The following SPRED1 variants were observed in gnomAD, a reference collection of about 807,000 sequenced individuals.
The protein encoded by SPRED1 is sprouty-related, EVH1 domain-containing protein 1.
In SPRED1, 18 loss-of-function variants were observed where a neutral mutation model predicts 52.3. The observed-to-expected ratio is 0.34, with a 90% CI of 0.24 to 0.51. The LOEUF (loss-of-function observed/expected upper bound fraction) is 0.51, where lower values mean the gene tolerates loss of function less well. SPRED1 is among the 20% of genes least tolerant of loss of function. The pLI is 0.97. For missense variants in SPRED1, 485 were observed against 551.0 expected, an observed-to-expected ratio of 0.88 and a Z score of 1.20; for synonymous variants, 155 against 179.7, an observed-to-expected ratio of 0.86 and a Z score of 1.10.
rs1888569773 is a variant in SPRED1, at chr15:38,354,598, T to TTC, written c.*2935_*2936insCT. 6.6e-6 allele frequency: 1 copy of TTC among 152,206 alleles called. No individual in the cohort carries two copies. Among genetic ancestry groups the TTC allele is most frequent in the Non-Finnish European group, 1.5e-5 (1 of 68,040 alleles). 9.4% of individuals were successfully genotyped at this position (152,206 alleles called of 1,614,324 possible). A position where few individuals can be genotyped will look rare whatever the true frequency, so the allele number is the denominator to read the frequency against. Reference sequence around the variant, plus strand: ...ATCACTACTACCATTAAAGGGCTATTTATGTGGTGACCACCTCTACCAGGG... The same window carrying TTC: ...ATCACTACTACCATTAAAGGGCTATTTCTATGTGGTGACCACCTCTACCAGGG... On this transcript the variant is annotated 3_prime_UTR_variant, in exon 7 of 7. Transcript: ENST00000299084.
rs139290916 is a variant in SPRED1, at chr15:38,287,556, T to A, written c.33-11817T>A. On this transcript the variant is annotated intron_variant, in intron 1 of 6. Coordinates refer to ENST00000299084, the MANE Select transcript of SPRED1 (RefSeq NM_152594.3). ...GAATCTTGTAGACTATCATTTTCTC[T>A]AATGCTCTTTCTTGTCTGGTGGCCT... Among the ~76,000 whole-genome samples the A allele has an allele frequency of 1.3e-4, 20 of 152,318 alleles. No homozygotes were observed. In the East Asian group the frequency reaches 3.7e-3, roughly 28 times the overall value.
chr15:38,308,890 G>A (rs1895305872), intron 2 of SPRED1, among the ~76,000 whole-genome samples: 1 of 152,162 alleles, frequency 6.6e-6, no homozygotes. Context: ...GTTTTGTTAA[G>A]AAACTGCAAA....
At chr15:38,304,864 G>A (rs1471259954) in intron 2 of SPRED1, among the ~76,000 whole-genome samples, 1 of 151,656 alleles carries the variant, frequency 6.6e-6, no homozygotes, top group East Asian at 1.9e-4. Context: ...ATTCCTTCTG[G>A]CTTCAGTATT....
intron 1 of SPRED1, among the ~76,000 whole-genome samples, chr15:38,261,766 C>G (rs1467495786): frequency 2.0e-5 from 3 of 152,042 alleles, no homozygotes; most frequent in African/African-American, 7.3e-5. Flanking sequence ...TTTAGTGATA[C>G]TATTGCATGT....
At chr15:38,323,059 A>AT (rs958599365) in intron 3 of SPRED1, among the ~76,000 whole-genome samples, 19 of 151,576 alleles carry the variant, frequency 1.3e-4, no homozygotes, top group South Asian at 1.0e-3. Flanking sequence ...CTAAGACTTG[A>AT]TTTTTTTTTC....
At chr15:38,254,276 A>G (rs1051052569) in intron 1 of SPRED1, among the ~76,000 whole-genome samples, 1 of 152,200 alleles carries the variant, frequency 6.6e-6, no homozygotes, top group African/African-American at 2.4e-5. Flanking sequence ...CCTTTTTGAA[A>G]TAACTTTTTA....
intron 1 of SPRED1, among the ~76,000 whole-genome samples, chr15:38,274,519 A>T (rs1339499231): frequency 6.6e-6 from 1 of 152,226 alleles, no homozygotes; most frequent in Non-Finnish European, 1.5e-5. Context: ...AGTAAGAAAA[A>T]ATATACAAAG....
At chr15:38,293,099 CTTTTTT>C (rs66511254) in intron 1 of SPRED1, among the ~76,000 whole-genome samples, 97 of 90,736 alleles carry the variant, frequency 1.1e-3, no homozygotes, top group African/African-American at 3.7e-3. Context: ...AAGATTACAA[CTTTTTT>C]TTTTTTTTTT....
At chr15:38,284,643 C>T (rs1340096603) in intron 1 of SPRED1, among the ~76,000 whole-genome samples, 1 of 152,022 alleles carries the variant, frequency 6.6e-6, no homozygotes, top group Non-Finnish European at 1.5e-5. Flanking sequence ...TAATTACAGT[C>T]TTAATTTTAG....
chr15:38,323,234 A>G (rs1595747268), intron 3 of SPRED1, among the ~76,000 whole-genome samples: 1 of 152,202 alleles, frequency 6.6e-6, no homozygotes, highest in Non-Finnish European at 1.5e-5. Context: ...ATGGAAATAC[A>G]TTGTACAAAT....
intron 1 of SPRED1, among the ~76,000 whole-genome samples, chr15:38,267,451 T>A (rs561382432): frequency 2.0e-5 from 3 of 152,328 alleles, no homozygotes; most frequent in Admixed American, 1.3e-4. Flanking sequence ...AGTGGTTTTT[T>A]AAAATTCTTA....
chr15:38,255,294 A>T (rs1289021435), intron 1 of SPRED1, among the ~76,000 whole-genome samples: 1 of 152,104 alleles, frequency 6.6e-6, no homozygotes, highest in African/African-American at 2.4e-5. Context: ...TTTTTCATCT[A>T]AATGTACTTA....
At position 38,288,203 on chromosome 15, in the gene SPRED1, C is replaced by T. The variant is rs560663650; in HGVS notation, c.33-11170C>T. On this transcript the variant is annotated intron_variant, in intron 1 of 6. Coordinates refer to ENST00000299084, the MANE Select transcript of SPRED1 (RefSeq NM_152594.3). Reference sequence around the variant, plus strand: ...GGGATAAATGAATATTGGTGGAAGACGGGAGCTCAGAAGAGGAAGGTAGAG... The same window carrying T: ...GGGATAAATGAATATTGGTGGAAGATGGGAGCTCAGAAGAGGAAGGTAGAG... Among the ~76,000 whole-genome samples the T allele has an allele frequency of 1.4e-4, 22 of 152,184 alleles. No individual in the cohort carries two copies. In the South Asian group the frequency reaches 3.7e-3, roughly 26 times the overall value.
intron 1 of SPRED1, among the ~76,000 whole-genome samples, chr15:38,272,625 G>T (rs1037404011): frequency 3.9e-5 from 6 of 152,188 alleles, no homozygotes; most frequent in African/African-American, 1.4e-4. Context: ...GCTCTCCACA[G>T]TGGCTGAACT....
chr15:38,299,274 T>G, intron 1 of SPRED1, 99 bp from the exon 2 acceptor site: 1 of 1,279,112 alleles, frequency 7.8e-7, no homozygotes. Context: ...AGTCACCACA[T>G]GTTAACTAAT....
intron 1 of SPRED1, among the ~76,000 whole-genome samples, chr15:38,260,809 A>G (rs539850160): frequency 7.2e-5 from 11 of 152,334 alleles, no homozygotes; most frequent in Admixed American, 2.0e-4. Flanking sequence ...CAAAAGGCTA[A>G]AATCTTCTGC....
chr15:38,332,937 C>T (rs1350009725), intron 4 of SPRED1, among the ~76,000 whole-genome samples: 1 of 152,178 alleles, frequency 6.6e-6, no homozygotes, highest in African/African-American at 2.4e-5. Context: ...TGATACTTGG[C>T]TATATCCTCA....
chr15:38,293,103 T>TTTTTTTTTTG, intron 1 of SPRED1, among the ~76,000 whole-genome samples: 1 of 118,730 alleles, frequency 8.4e-6, no homozygotes, highest in Non-Finnish European at 1.8e-5. Context: ...TTACAACTTT[T>TTTTTTTTTTG]TTTTTTTTTT....
At chr15:38,330,506 G>A (rs7177681) in intron 4 of SPRED1, among the ~76,000 whole-genome samples, 31,055 of 152,010 alleles carry the variant, frequency 0.2, 3,335 homozygotes, top group Middle Eastern at 0.24. Context: ...TACACCACAT[G>A]TTAATAATGG....
Sources: gnomAD v4.1 joint callset for allele counts (sites outside exome capture counted in the v4.1 genomes callset) on GRCh38, gnomAD v4.1.1 for gene constraint, MANE v1.5 for transcripts, NCBI Gene and HGNC (gene_info 2026-07-23, HGNC 2026-07-21) for gene names.